The following EMSY variants were observed in gnomAD, a reference collection of about 807,000 sequenced individuals.
EMSY encodes EMSY transcriptional repressor, BRCA2 interacting, also known as BRCA2-interacting transcriptional repressor EMSY.
A neutral mutation model predicts 134.6 loss-of-function variants in EMSY; 26 were observed. That is an observed-to-expected ratio of 0.19 (90% confidence interval 0.14 to 0.27). EMSY has a LOEUF of 0.27. Among genes scored for constraint, EMSY ranks in the 10% least tolerant of loss-of-function variants. The probability of loss-of-function intolerance (pLI) is 1.00; values close to 1 mark genes in which losing one functional copy is unlikely to be tolerated. For synonymous variants in EMSY, 579 were observed against 577.8 expected, an observed-to-expected ratio of 1.00 and a Z score of -0.03; for missense variants, 1,305 against 1,611.4, an observed-to-expected ratio of 0.81 and a Z score of 3.26.
chr11:76,472,643 C>A, exon 8 of EMSY: 1 of 1,614,188 alleles, frequency 6.2e-7, no homozygotes, highest in Non-Finnish European at 8.5e-7. Context: ...GCAGCAGTCA[C>A]TAAGCTTGTA....
chr11:76,491,944 AGTT>A (rs1949441874), intron 8 of EMSY, among the ~76,000 whole-genome samples: 1 of 152,250 alleles, frequency 6.6e-6, no homozygotes, highest in African/African-American at 2.4e-5. Context: ...AAGACCTTGT[AGTT>A]GTTAACACGA....
chr11:76,446,317 G>GTGTGTATATATATATGTATATATA (rs1313633153), intron 1 of EMSY, among the ~76,000 whole-genome samples: 1 of 56,858 alleles, frequency 1.8e-5, no homozygotes, highest in Non-Finnish European at 3.5e-5. Flanking sequence ...ATATATGTGT[G>GTGTGTATATATATATGTATATATA]TGTGTGTATA....
chr11:76,545,355 GATGTAT>G (rs1250072420), intron 19 of EMSY, among the ~76,000 whole-genome samples: 1 of 152,014 alleles, frequency 6.6e-6, no homozygotes, highest in African/African-American at 2.4e-5. Context: ...GCTCTGGAGT[GATGTAT>G]ATGTATGTAT....
Position 76,494,477 on chromosome 11 carries a change from TGGCACTGAAAGA to T in EMSY, c.1109-1734_1109-1723del, listed in dbSNP as rs1413504753. Among the ~76,000 whole-genome samples, 16 of 152,338 alleles carry T rather than the reference TGGCACTGAAAGA, an allele frequency of 1.1e-4. No individual in the cohort carries two copies. In the East Asian group the frequency reaches 3.1e-3, roughly 29 times the overall value. ...TTATACTCATTGAGTCATAAAATGT[TGGCACTGAAAGA>T]GGCTCCAGAGATAGTCTAGTTCAGC... On this transcript the variant is annotated intron_variant, in intron 8 of 20. Transcript: ENST00000334736.
At chr11:76,459,861 A>G in intron 5 of EMSY, 72 bp from the exon 7 acceptor site, 1 of 1,559,930 alleles carries the variant, frequency 6.4e-7, no homozygotes, top group Non-Finnish European at 8.8e-7. Context: ...GGCCTGCAAT[A>G]AAAATAATTT....
intron 8 of EMSY, among the ~76,000 whole-genome samples, chr11:76,477,279 T>G (rs1049987730): frequency 4.6e-5 from 7 of 150,868 alleles, no homozygotes; most frequent in African/African-American, 1.7e-4. Context: ...TGTTTTTTTT[T>G]TTGTTTTTGT....
At chr11:76,532,103 T>C (rs1045200752) in intron 14 of EMSY, among the ~76,000 whole-genome samples, 3 of 152,202 alleles carry the variant, frequency 2.0e-5, no homozygotes, top group East Asian at 3.8e-4. Context: ...AATTTTATTT[T>C]GTATGTTGTG....
intron 14 of EMSY, among the ~76,000 whole-genome samples, chr11:76,529,275 T>C (rs978956097): frequency 6.6e-6 from 1 of 152,150 alleles, no homozygotes; most frequent in Non-Finnish European, 1.5e-5. Context: ...CCTTGTTCTT[T>C]CCACACTCTC....
chr11:76,514,989 T>C (rs1265879277), intron 10 of EMSY, among the ~76,000 whole-genome samples: 1 of 152,138 alleles, frequency 6.6e-6, no homozygotes, highest in Non-Finnish European at 1.5e-5. Context: ...AACAAAAACT[T>C]AATTTGAAAT....
intron 6 of EMSY, among the ~76,000 whole-genome samples, chr11:76,463,509 G>A (rs1267865949): frequency 6.6e-6 from 1 of 152,008 alleles, no homozygotes; most frequent in African/African-American, 2.4e-5. Context: ...TGTAGTCCCA[G>A]CTACTCGGGA....
intron 7 of EMSY, among the ~76,000 whole-genome samples, chr11:76,467,904 G>A (rs1039714859): frequency 8.6e-5 from 13 of 151,666 alleles, no homozygotes; most frequent in Non-Finnish European, 1.5e-4. Context: ...GCTTGAACCC[G>A]GGAGACAGAG....
chr11:76,485,795 T>C (rs1189231562), intron 8 of EMSY, among the ~76,000 whole-genome samples: 1 of 152,202 alleles, frequency 6.6e-6, no homozygotes, highest in Non-Finnish European at 1.5e-5. Flanking sequence ...ACTTTTACAC[T>C]GTTGGTGGGA....
intron 9 of EMSY, among the ~76,000 whole-genome samples, chr11:76,499,633 G>A (rs1203425645): frequency 1.3e-5 from 2 of 152,020 alleles, no homozygotes; most frequent in African/African-American, 2.4e-5. Context: ...TTACATTTAA[G>A]GTAATTGTTG....
chr11:76,458,562 A>C, intron 5 of EMSY: 1 of 450,208 alleles, frequency 2.2e-6, no homozygotes, highest in Non-Finnish European at 3.7e-6. Flanking sequence ...CGAAGGTGTG[A>C]ATTATGTTAA....
chr11:76,450,057 CTTT>C (rs11334942), intron 2 of EMSY, among the ~76,000 whole-genome samples: 24 of 130,976 alleles, frequency 1.8e-4, no homozygotes, highest in Non-Finnish European at 1.8e-4. Flanking sequence ...TGTACATTTG[CTTT>C]TTTTTTTTTT....
chr11:76,545,963 C>T (rs1386670532), exon 20 of EMSY: 1 of 1,614,154 alleles, frequency 6.2e-7, no homozygotes, highest in South Asian at 1.1e-5. Flanking sequence ...ACAGCAGTGT[C>T]TGACATTTTG....
At chr11:76,544,450 A>G in exon 19 of EMSY, 1 of 1,614,076 alleles carries the variant, frequency 6.2e-7, no homozygotes, top group Non-Finnish European at 8.5e-7. Context: ...TGCAAGTGAA[A>G]ACTCTGCAGT....
chr11:76,487,899 C>T (rs77853390), intron 8 of EMSY, among the ~76,000 whole-genome samples: 2,560 of 152,296 alleles, frequency 0.017, 47 homozygotes, highest in East Asian at 0.093. Context: ...CATTTTACAC[C>T]TGATTTTTTT....
At chr11:76,542,828 T>A (rs1951497567) in intron 18 of EMSY, among the ~76,000 whole-genome samples, 1 of 151,790 alleles carries the variant, frequency 6.6e-6, no homozygotes, top group African/African-American at 2.4e-5. Context: ...AATATTTGAT[T>A]TTTTTAACTA....
Sources: gnomAD v4.1 joint callset for allele counts (sites outside exome capture counted in the v4.1 genomes callset) on GRCh38, gnomAD v4.1.1 for gene constraint, MANE v1.5 for transcripts, NCBI Gene and HGNC (gene_info 2026-07-23, HGNC 2026-07-21) for gene names.